GPM6B: variants seen among roughly 807,000 people sequenced by gnomAD.
GPM6B encodes neuronal membrane glycoprotein M6-b.
In GPM6B, 4 loss-of-function variants were observed where a neutral mutation model predicts 27.2. The observed-to-expected ratio is 0.15, with a 90% confidence interval of 0.07 to 0.34. The LOEUF (loss-of-function observed/expected upper bound fraction) is 0.34, where lower values mean the gene tolerates loss of function less well. GPM6B is among the 10% of genes least tolerant of loss of function. GPM6B has a pLI of 1.00. For missense variants in GPM6B, 183 were observed against 261.9 expected, an observed-to-expected ratio of 0.70 and a Z score of 2.08; for synonymous variants, 124 against 103.1, an observed-to-expected ratio of 1.20 and a Z score of -1.23.
At chrX:13,931,332 CA>C (rs1222407997) in intron 1 of GPM6B, among the ~76,000 whole-genome samples, 5 of 109,664 alleles carry the variant, frequency 4.6e-5, no homozygotes, top group Non-Finnish European at 5.7e-5. Flanking sequence ...ACTAAAAATA[CA>C]AAAAATTAGC....
intron 1 of GPM6B, 107 bp downstream of exon 1, chrX:13,816,737 G>A: frequency 1.1e-6 from 1 of 942,435 alleles, no homozygotes; most frequent in Non-Finnish European, 1.5e-6. Flanking sequence ...CCATGCCATA[G>A]GGATTGTCTC....
At position 13,905,485 on chromosome X, in the gene GPM6B, C is replaced by T. The variant is rs751961952; in HGVS notation, c.-198+32842G>A. ...GCTACCTTGTAAAATGCCAAACTCG[C>T]CCGTGGTGCTAAGAAACGCAATGAT... is the stretch of plus-strand genomic sequence containing the variant. On this transcript the variant is annotated intron_variant, in intron 1 of 6. Coordinates refer to the GPM6B transcript ENST00000398361. 6.3e-5 allele frequency among the ~76,000 whole-genome samples: 7 copies of T among 111,052 alleles called. No individual in the cohort carries two copies. The South Asian group carries it at 1.2e-3, about 18-fold the overall frequency.
At chrX:13,892,479 T>C (rs1201558717) in intron 1 of GPM6B, among the ~76,000 whole-genome samples, 1 of 112,317 alleles carries the variant, frequency 8.9e-6, no homozygotes, top group African/African-American at 3.2e-5. Context: ...TGTCCATGCT[T>C]ATATACCAAG....
At chrX:13,848,069 T>C (rs1292767033) in intron 1 of GPM6B, among the ~76,000 whole-genome samples, 2 of 111,986 alleles carry the variant, frequency 1.8e-5, no homozygotes, top group Admixed American at 9.5e-5. Context: ...GATGACAGCT[T>C]GTGGCTGAGG....
At position 13,770,987 on chromosome X, in the gene GPM6B, A is replaced by C. The variant is rs1408442288; in HGVS notation, c.*1894T>G. On this transcript the variant is annotated 3_prime_UTR_variant, in exon 8 of 8. Coordinates refer to ENST00000316715, the MANE Select transcript of GPM6B (RefSeq NM_001001995.3). The stretch of plus-strand genomic sequence containing the variant: ...CATTACTCTTAGTACATCCACAACT[A>C]TTTCCACCTAAATAGATCTTTAAAA... 1 of 112,552 alleles carries C rather than the reference A, an allele frequency of 8.9e-6. No homozygotes were observed. The highest frequency in any genetic ancestry group is 2.8e-4 in the East Asian group (1 of 3,635). 9.3% of individuals were successfully genotyped at this position (112,552 alleles called of 1,213,427 possible). A position where few individuals can be genotyped will look rare whatever the true frequency, so the allele number is the denominator to read the frequency against.
chrX:13,803,694 T>C (rs1024944500), intron 2 of GPM6B, among the ~76,000 whole-genome samples: 3 of 112,043 alleles, frequency 2.7e-5, no homozygotes, highest in Non-Finnish European at 5.6e-5. Context: ...AAGAGGGAGA[T>C]GAGAGACATT....
At position 13,795,742 on chromosome X, in the gene GPM6B, C is replaced by CTT. The variant is rs146240939; in HGVS notation, c.182-9936_182-9935dup. Among the ~76,000 whole-genome samples, 556 of 82,769 alleles carry CTT rather than the reference C, an allele frequency of 6.7e-3. 2 individuals are homozygous for CTT. The highest frequency in any genetic ancestry group is 9.8e-3 in the Non-Finnish European group (424 of 43,202). 71.9% of individuals were successfully genotyped at this position (82,769 alleles called of 115,157 possible). ...AAACTTCTCAGTTCTAATTTCTTTT[C>CTT]TTTTTTTTTTTTTTTTTTTAAGATG... On this transcript the variant is annotated intron_variant, in intron 2 of 7. Coordinates refer to ENST00000316715, the MANE Select transcript of GPM6B (RefSeq NM_001001995.3).
intron 1 of GPM6B, among the ~76,000 whole-genome samples, chrX:13,866,390 G>T (rs1392375568): frequency 8.9e-6 from 1 of 111,997 alleles, no homozygotes; most frequent in Non-Finnish European, 1.9e-5. Context: ...GTCACTCAAT[G>T]GGTACAACAT....
intron 1 of GPM6B, among the ~76,000 whole-genome samples, chrX:13,853,220 C>T (rs988779336): frequency 9.0e-6 from 1 of 111,092 alleles, no homozygotes; most frequent in South Asian, 3.8e-4. Context: ...TTCTGAGATT[C>T]GACAGAAGGA....
chrX:13,932,232 G>A (rs938806505), intron 1 of GPM6B, among the ~76,000 whole-genome samples: 1 of 110,974 alleles, frequency 9.0e-6, no homozygotes, highest in Non-Finnish European at 1.9e-5. Flanking sequence ...CTCTGCCACG[G>A]CTCCTGCTTT....
chrX:13,852,894 C>T (rs2049735820), intron 1 of GPM6B, among the ~76,000 whole-genome samples: 1 of 109,518 alleles, frequency 9.1e-6, no homozygotes, highest in Non-Finnish European at 1.9e-5. Flanking sequence ...GATCCTCCCG[C>T]CTCAGCCTCC....
At position 13,785,820 on chromosome X, in the gene GPM6B, G is replaced by A. The variant is rs1165970132; in HGVS notation, c.182-12C>T. 8.4e-7 allele frequency: 1 copy of A among 1,190,622 alleles called. No homozygotes were observed. Among genetic ancestry groups the A allele is most frequent in the Non-Finnish European group, 1.1e-6 (1 of 879,350 alleles). ...GCATTCAAAGCAGCCTGAACCCAAA[G>A]GAGAGAAAATATAGCCGTTACGGGC... On this transcript the variant is annotated splice_polypyrimidine_tract_variant and intron_variant, in intron 2 of 7. Coordinates refer to ENST00000316715, the MANE Select transcript of GPM6B (RefSeq NM_001001995.3).
intron 1 of GPM6B, among the ~76,000 whole-genome samples, chrX:13,808,311 G>C (rs182679056): frequency 1.7e-3 from 190 of 112,168 alleles, no homozygotes; most frequent in African/African-American, 5.8e-3. Context: ...CAGAACGTCA[G>C]AGTCTAGAAT....
chrX:13,883,991 C>T (rs2050110293), intron 1 of GPM6B, among the ~76,000 whole-genome samples: 1 of 111,769 alleles, frequency 8.9e-6, no homozygotes, highest in African/African-American at 3.3e-5. Flanking sequence ...GCATGGCCAA[C>T]ATGGTAAAAC....
chrX:13,853,965 C>G (rs1298510401), intron 1 of GPM6B, among the ~76,000 whole-genome samples: 1 of 112,233 alleles, frequency 8.9e-6, no homozygotes. Context: ...AAGGGCCAAC[C>G]TTGCAAGCTG....
chrX:13,936,724 C>A (rs981208361), intron 1 of GPM6B, among the ~76,000 whole-genome samples: 2 of 112,155 alleles, frequency 1.8e-5, no homozygotes, highest in Admixed American at 9.4e-5. Context: ...GTGGAGCCAA[C>A]AATTGTCCAA....
intron 1 of GPM6B, among the ~76,000 whole-genome samples, chrX:13,854,525 C>G (rs2049757992): frequency 8.9e-6 from 1 of 112,131 alleles, no homozygotes; most frequent in Non-Finnish European, 1.9e-5. Flanking sequence ...ATGCAATTAC[C>G]TCCACCTGTG....
intron 1 of GPM6B, among the ~76,000 whole-genome samples, chrX:13,865,559 A>AAAAAAAAAAAAAG (rs34662549): frequency 3.8e-5 from 2 of 52,929 alleles, no homozygotes; most frequent in African/African-American, 6.3e-5. Context: ...AAAAAAAAAA[A>AAAAAAAAAAAAAG]AAAGAAAGAA....
chrX:13,840,156 G>A (rs17215627), intron 1 of GPM6B, among the ~76,000 whole-genome samples: 6 of 112,191 alleles, frequency 5.3e-5, no homozygotes, highest in Admixed American at 9.4e-5. Context: ...ATACTTGGAC[G>A]AAAAGTTTTA....
Sources: allele counts gnomAD v4.1 joint callset (sites outside exome capture counted in the v4.1 genomes callset), GRCh38; gene constraint gnomAD v4.1.1; transcripts MANE v1.5; gene names NCBI Gene and HGNC (gene_info 2026-07-23, HGNC 2026-07-21).